SLC17A4: variants seen among roughly 807,000 people sequenced by gnomAD.
SLC17A4 encodes solute carrier family 17 member 4, also known as probable small intestine urate exporter.
In SLC17A4, 33 loss-of-function variants were observed where a neutral mutation model predicts 52.5. The observed-to-expected ratio is 0.63, with a 90% CI of 0.48 to 0.84. The LOEUF (loss-of-function observed/expected upper bound fraction) is 0.84. Among genes scored for constraint, SLC17A4 ranks in the 40% least tolerant of loss-of-function variants. The pLI is 0.00. For missense variants in SLC17A4, 585 were observed against 597.1 expected (o/e 0.98, Z 0.21); for synonymous variants, 225 against 216.2 (o/e 1.04, Z -0.36).
Position 25,770,373 on chromosome 6 carries a change from T to A in SLC17A4, c.532-11T>A, listed in dbSNP as rs766629413. ...ACCTCAGATCTCCAAGAATGGAATT[T>A]TTCCCCCCAGGTTATGGTATTAACT... On this transcript the variant is annotated splice_polypyrimidine_tract_variant and intron_variant, in intron 4 of 11. Coordinates refer to ENST00000377905, the MANE Select transcript of SLC17A4 (RefSeq NM_005495.3). 6.2e-7 allele frequency: 1 copy of A among 1,614,070 alleles called. No individual in the cohort carries two copies.
At chr6:25,775,435 CT>C (rs1762828349) in intron 8 of SLC17A4, among the ~76,000 whole-genome samples, 1 of 151,454 alleles carries the variant, frequency 6.6e-6, no homozygotes, top group East Asian at 1.9e-4. Flanking sequence ...TGTCTTTTTT[CT>C]TTTTCTTTCT....
rs773514064 is a variant in SLC17A4, at chr6:25,762,027, T to C, written c.65T>C (p.Val22Ala). 1.9e-5 allele frequency: 30 copies of C among 1,613,308 alleles called. No individual in the cohort carries two copies. The highest frequency in any genetic ancestry group is 2.3e-5 in the Non-Finnish European group (27 of 1,179,808). Reference protein sequence around the residue: ...GDISSDGNLNVAQEECSRKGF... With the variant: ...GDISSDGNLNAAQEECSRKGF... ...ATTTCCAGTGATGGCAATTTAAACG[T>C]GGCTCAAGAGGAATGCTCCAGGAAA... The change falls in exon 2 of 12, where the codon GTG becomes GCG. Residue 22 changes from valine (V) to alanine (A), a missense_variant. Transcript: ENST00000377905.
chr6:25,759,575 G>T (rs540599324), intron 1 of SLC17A4, among the ~76,000 whole-genome samples: 1 of 152,128 alleles, frequency 6.6e-6, no homozygotes, highest in Non-Finnish European at 1.5e-5. Flanking sequence ...AACTGCTGTT[G>T]CTTATAAGTT....
chr6:25,767,953 G>T (rs1442913888), intron 2 of SLC17A4, among the ~76,000 whole-genome samples: 1 of 152,154 alleles, frequency 6.6e-6, no homozygotes, highest in Non-Finnish European at 1.5e-5. Context: ...CAAAATTTGT[G>T]AAGGCCTTAA....
rs147305273 is a variant in SLC17A4 at position 25,766,746 on chromosome 6, C to T, written c.92-2239C>T. Among the ~76,000 whole-genome samples the T allele has an allele frequency of 3.9e-5, 6 of 152,292 alleles. No homozygotes were observed. The East Asian group carries it at 1.2e-3, about 29-fold the overall frequency. ...TTCAATTAAGGGATGCCCCACAAAA[C>T]ACCTGACTGGTGCGTTTCAAAACTA... On this transcript the variant is annotated intron_variant, in intron 2 of 11. Transcript: ENST00000377905.
chr6:25,764,699 C>T (rs1039885595), intron 2 of SLC17A4, among the ~76,000 whole-genome samples: 2 of 152,134 alleles, frequency 1.3e-5, no homozygotes, highest in Non-Finnish European at 2.9e-5. Flanking sequence ...CTGGGCAGAC[C>T]ACAGACCCCA....
Position 25,779,203 on chromosome 6 carries a change from G to A in SLC17A4, c.*15G>A, listed in dbSNP as rs776900235. On this transcript the variant is annotated 3_prime_UTR_variant, in exon 12 of 12. Transcript: ENST00000377905. Reference sequence around the variant, plus strand: ...CCCACCTCTGAGCAAACCGAGAGATGTGCTAGATCCTGGTGCTTAGTTCAT... The same window carrying A: ...CCCACCTCTGAGCAAACCGAGAGATATGCTAGATCCTGGTGCTTAGTTCAT... 1.9e-6 allele frequency: 3 copies of A among 1,612,986 alleles called. No individual in the cohort carries two copies. Among genetic ancestry groups the A allele is most frequent in the Middle Eastern group, 1.7e-4 (1 of 6,044 alleles).
At chr6:25,756,723 A>C (rs1761049934) in intron 1 of SLC17A4, among the ~76,000 whole-genome samples, 1 of 152,212 alleles carries the variant, frequency 6.6e-6, no homozygotes, top group Non-Finnish European at 1.5e-5. Flanking sequence ...ATGAGAACTA[A>C]GTTCTTCAGT....
At chr6:25,769,317 C>T (rs1762278297) in intron 3 of SLC17A4, 127 bp downstream of exon 3, 1 of 904,416 alleles carries the variant, frequency 1.1e-6, no homozygotes, top group Non-Finnish European at 1.7e-6. Flanking sequence ...AGGAATGGCA[C>T]AAGTACCTAA....
At chr6:25,759,034 C>A (rs1761290300) in intron 1 of SLC17A4, among the ~76,000 whole-genome samples, 2 of 152,074 alleles carry the variant, frequency 1.3e-5, no homozygotes, top group Non-Finnish European at 2.9e-5. Flanking sequence ...TTTTAATTTT[C>A]ATCTTGATTT....
chr6:25,772,639 G>T (rs60637520), intron 6 of SLC17A4, among the ~76,000 whole-genome samples: 86 of 152,222 alleles, frequency 5.6e-4, no homozygotes, highest in African/African-American at 1.9e-3. Context: ...TACAAATTGG[G>T]TAATTAATTT....
At chr6:25,762,147 T>C in intron 2 of SLC17A4, 94 bp downstream of exon 2, 1 of 1,058,516 alleles carries the variant, frequency 9.4e-7, no homozygotes, top group South Asian at 1.6e-5. Flanking sequence ...CTGTGGCATC[T>C]TTTGTTGATA....
rs867911276 is a variant in SLC17A4 at position 25,776,931 on chromosome 6, C to G, written c.1240C>G (p.Leu414Val). ...AISSFCESGA[L>V]VNFLDIAPRY... ...CAGCAGCTTCTGTGAATCAGGAGCC[C>G]TTGTTAACTTCTTGGATATTGCTCC... The change falls in exon 10 of 12, where the codon CTT becomes GTT. Residue 414 changes from leucine (L) to valine (V), a missense_variant. By Grantham distance (32) the Leu-to-Val change is conservative (BLOSUM62 1). Transcript: ENST00000377905. 12 of 1,613,428 alleles carry G rather than the reference C, an allele frequency of 7.4e-6. No individual in the cohort carries two copies. The Middle Eastern group carries it at 9.9e-4, about 133-fold the overall frequency.
In SLC17A4 at chr6:25,769,169, T is replaced by G. The variant is rs770791596; in HGVS notation, c.276T>G (p.Thr92=). ...ACTCCCAGGGCTACTGGAATGAAAC[T>G]CTAAAAGAATTTAAAGCAATGGTAA... ...STDSQGYWNE[T]LKEFKAMAPA... Residue 92 remains threonine, a synonymous_variant, in exon 3 of 12, where the codon ACT becomes ACG. Coordinates refer to ENST00000377905, the MANE Select transcript of SLC17A4 (RefSeq NM_005495.3). The G allele has an allele frequency of 5.0e-6, 8 of 1,613,888 alleles. No homozygotes were observed. Among genetic ancestry groups the G allele is most frequent in the Non-Finnish European group, 6.8e-6 (8 of 1,179,884 alleles).
chr6:25,767,857 T>C (rs2275904), intron 2 of SLC17A4, among the ~76,000 whole-genome samples: 39,534 of 152,140 alleles, frequency 0.26, 6,374 homozygotes, highest in East Asian at 0.68. Flanking sequence ...AATTTGTCTT[T>C]CTTTATTGAA....
chr6:25,772,730 A>C (rs2151448675), intron 6 of SLC17A4, among the ~76,000 whole-genome samples: 1 of 152,260 alleles, frequency 6.6e-6, no homozygotes, highest in Admixed American at 6.5e-5. Flanking sequence ...GATGAAAGGA[A>C]CTCTGCAAAG....
intron 5 of SLC17A4, 27 bp from the exon 6 acceptor site, chr6:25,770,899 C>T (rs925634999): frequency 6.3e-7 from 1 of 1,589,154 alleles, no homozygotes; most frequent in East Asian, 2.2e-5. Flanking sequence ...TCCTCTCACC[C>T]AGAACATCCT....
chr6:25,770,159 T>C lies in SLC17A4; in HGVS notation c.390T>C (p.Tyr130=). The change falls in exon 4 of 12, where the codon TAT becomes TAC. Residue 130 remains tyrosine, a synonymous_variant. Coordinates refer to ENST00000377905, the MANE Select transcript of SLC17A4 (RefSeq NM_005495.3). The stretch of plus-strand genomic sequence containing the variant: ...TCTTGGCTCCAATCCCCAGTGGCTA[T>C]GTGGCTGGAATATTTGGAGCCAAGT... ...GSFLAPIPSG[Y]VAGIFGAKYV... 1.4e-5 allele frequency: 22 copies of C among 1,614,114 alleles called. No homozygotes were observed. Among genetic ancestry groups the C allele is most frequent in the Non-Finnish European group, 1.8e-5 (21 of 1,179,994 alleles).
intron 10 of SLC17A4, chr6:25,777,687 C>A (rs536680771): frequency 2.5e-6 from 1 of 407,484 alleles, no homozygotes; most frequent in Admixed American, 4.0e-5. Flanking sequence ...GAGGTTACCC[C>A]CTTGGGAGTA....
Sources: allele counts gnomAD v4.1 joint callset (sites outside exome capture counted in the v4.1 genomes callset), GRCh38; gene constraint gnomAD v4.1.1; transcripts MANE v1.5; gene names NCBI Gene and HGNC (gene_info 2026-07-23, HGNC 2026-07-21).